The following ROBO1 variants were observed in gnomAD, a reference collection of about 807,000 sequenced individuals.
ROBO1 encodes the protein roundabout guidance receptor 1, also known as roundabout homolog 1.
A neutral mutation model predicts 195.9 loss-of-function variants in ROBO1; 149 were observed. The ratio of observed to expected loss-of-function variants is 0.76; its 90% CI spans 0.67 to 0.87. The LOEUF (loss-of-function observed/expected upper bound fraction) is 0.87. ROBO1 is among the 40% of genes least tolerant of loss of function. The pLI, the probability that ROBO1 is intolerant of heterozygous loss-of-function variation, is 0.00. For missense variants in ROBO1, 1,933 were observed against 2,068.3 expected, an observed-to-expected ratio of 0.93 and a Z score of 1.27; for synonymous variants, 816 against 733.2, an observed-to-expected ratio of 1.11 and a Z score of -1.82.
intron 3 of ROBO1, among the ~76,000 whole-genome samples, chr3:78,998,095 C>T (rs1353937598): frequency 2.0e-5 from 3 of 152,130 alleles, no homozygotes; most frequent in South Asian, 4.1e-4. Context: ...TTGTAACTTG[C>T]ACCTACTCCA....
chr3:79,413,826 T>C (rs2037882171), intron 2 of ROBO1, among the ~76,000 whole-genome samples: 1 of 152,124 alleles, frequency 6.6e-6, no homozygotes, highest in Non-Finnish European at 1.5e-5. Context: ...TCTGCCAGGA[T>C]AAATTCAATG....
At chr3:78,889,196 T>C (rs183161971) in intron 4 of ROBO1, among the ~76,000 whole-genome samples, 1 of 152,326 alleles carries the variant, frequency 6.6e-6, no homozygotes, top group Non-Finnish European at 1.5e-5. Flanking sequence ...TGTTGTTGTT[T>C]CCTTGTTCTA....
chr3:79,416,113 A>T (rs547584267), intron 2 of ROBO1, among the ~76,000 whole-genome samples: 1 of 152,252 alleles, frequency 6.6e-6, no homozygotes, highest in South Asian at 2.1e-4. Context: ...TCTAGTAAGA[A>T]TCAGCCTATT....
intron 4 of ROBO1, among the ~76,000 whole-genome samples, chr3:78,836,241 A>G (rs162874): frequency 0.97 from 147,102 of 152,166 alleles, 71,162 homozygotes; most frequent in East Asian, 1. Flanking sequence ...GGCCGGGGGC[A>G]GTGGCTCATG....
At chr3:79,385,546 C>G (rs747056489) in intron 2 of ROBO1, among the ~76,000 whole-genome samples, 21 of 152,052 alleles carry the variant, frequency 1.4e-4, no homozygotes, top group Admixed American at 4.6e-4. Context: ...ATCCTAAAGG[C>G]GACATAAAGC....
At chr3:79,502,169 C>T (rs920249997) in intron 2 of ROBO1, among the ~76,000 whole-genome samples, 2 of 152,222 alleles carry the variant, frequency 1.3e-5, no homozygotes, top group Non-Finnish European at 2.9e-5. Context: ...CTTGAGGAAC[C>T]CTTCAGCCCG....
chr3:79,753,837 AT>A (rs1704248223), intron 1 of ROBO1, among the ~76,000 whole-genome samples: 1 of 152,208 alleles, frequency 6.6e-6, no homozygotes, highest in South Asian at 2.1e-4. Context: ...TACTTGATAA[AT>A]TTAAAATGAT....
At chr3:78,904,691 CATATGTATATATGT>C (rs1431499342) in intron 4 of ROBO1, among the ~76,000 whole-genome samples, 10 of 147,924 alleles carry the variant, frequency 6.8e-5, no homozygotes, top group African/African-American at 2.3e-4. Flanking sequence ...TATACGTATA[CATATGTATATATGT>C]ATATATATAT....
intron 2 of ROBO1, among the ~76,000 whole-genome samples, chr3:79,145,366 CACACAT>C (rs1416790098): frequency 0.055 from 875 of 15,854 alleles, 10 homozygotes; most frequent in African/African-American, 0.14. Context: ...GAAATACACA[CACACAT>C]ACACACACAC....
intron 2 of ROBO1, among the ~76,000 whole-genome samples, chr3:79,201,827 G>T (rs1342981218): frequency 1.3e-5 from 2 of 151,066 alleles, no homozygotes; most frequent in Non-Finnish European, 3.0e-5. Flanking sequence ...AGGTATTATT[G>T]TTGTAGTAAT....
chr3:78,786,164 C>A (rs2083827545), intron 4 of ROBO1, among the ~76,000 whole-genome samples: 1 of 152,176 alleles, frequency 6.6e-6, no homozygotes, highest in Non-Finnish European at 1.5e-5. Flanking sequence ...TTCTCTGCTA[C>A]ACTTTTATCC....
intron 2 of ROBO1, among the ~76,000 whole-genome samples, chr3:79,133,878 C>T (rs1275038978): frequency 2.0e-5 from 3 of 148,102 alleles, no homozygotes; most frequent in Non-Finnish European, 4.5e-5. Context: ...GATGTCCTTT[C>T]TGGTTGTTAG....
At chr3:79,699,816 T>C (rs143332909) in intron 1 of ROBO1, among the ~76,000 whole-genome samples, 395 of 151,820 alleles carry the variant, frequency 2.6e-3, no homozygotes, top group Middle Eastern at 0.014. Context: ...ACTGTTTGCC[T>C]TTGGTCCATT....
intron 2 of ROBO1, among the ~76,000 whole-genome samples, chr3:79,201,078 C>T (rs1157542579): frequency 6.6e-6 from 1 of 151,824 alleles, no homozygotes; most frequent in Non-Finnish European, 1.5e-5. Flanking sequence ...AGAGGATATC[C>T]TTTACTTATT....
chr3:79,079,218 T>A (rs577149534), intron 3 of ROBO1, among the ~76,000 whole-genome samples: 31 of 151,892 alleles, frequency 2.0e-4, no homozygotes, highest in Admixed American at 1.1e-3. Flanking sequence ...TTCAGACTTT[T>A]AAAAAAATCA....
chr3:79,519,466 T>C lies in ROBO1; in HGVS notation c.88+70358A>G, dbSNP rs967771562. The stretch of plus-strand genomic sequence containing the variant: ...CAACATGGAGAAACCCCATCTCTAC[T>C]AAAATACAAAAAATTAGCCGGGCGT... On this transcript the variant is annotated intron_variant, in intron 2 of 30. Transcript: ENST00000464233. 4.4e-4 allele frequency among the ~76,000 whole-genome samples: 67 copies of C among 150,960 alleles called. 1 individual carries two copies. The highest frequency in any genetic ancestry group is 1.6e-3 in the African/African-American group (66 of 41,098).
At position 78,617,668 on chromosome 3, in the gene ROBO1, T is replaced by G; in HGVS notation, c.4249A>C (p.Lys1417Gln). 1 of 1,613,652 alleles carries G rather than the reference T, an allele frequency of 6.2e-7. No homozygotes were observed. Residue 1417 changes from lysine (K) to glutamine (Q), a missense_variant, in exon 27 of 31, where the codon AAA becomes CAA. Physicochemically the swap from Lys to Gln is moderately conservative, Grantham distance 53 (BLOSUM62 1). Coordinates refer to ENST00000464233, the MANE Select transcript of ROBO1 (RefSeq NM_002941.4). ...VAAAAEYAGL[K>Q]VARRQMQDAA... is the part of the protein sequence containing the mutation. ...TCCTGCATTTGCCGTCGTGCTACTT[T>G]CAGACCAGCATACTCTGCCGCTGCT...
intron 2 of ROBO1, among the ~76,000 whole-genome samples, chr3:79,368,342 C>A (rs2036051677): frequency 6.6e-6 from 1 of 152,120 alleles, no homozygotes; most frequent in African/African-American, 2.4e-5. Flanking sequence ...AGAGAGACTG[C>A]ATGGAAAATA....
intron 8 of ROBO1, among the ~76,000 whole-genome samples, chr3:78,709,480 A>G (rs2081630199): frequency 2.0e-5 from 3 of 152,200 alleles, no homozygotes; most frequent in Admixed American, 1.3e-4. Context: ...ATTTTATTAC[A>G]GTTTGCCTCT....
Sources: allele counts gnomAD v4.1 joint callset (sites outside exome capture counted in the v4.1 genomes callset), GRCh38; gene constraint gnomAD v4.1.1; transcripts MANE v1.5; gene names NCBI Gene and HGNC (gene_info 2026-07-23, HGNC 2026-07-21).